Variants in SGCD observed in about 807,000 individuals in gnomAD.
SGCD encodes sarcoglycan delta, also known as delta-sarcoglycan.
In SGCD, 18 loss-of-function variants were observed where a neutral mutation model predicts 36.6. The ratio of observed to expected loss-of-function variants is 0.49; its 90% CI spans 0.34 to 0.73. SGCD has a LOEUF of 0.73. Ranked by LOEUF, SGCD falls within the 30% of genes least tolerant of loss-of-function variation. The pLI is 0.01. For missense variants in SGCD, 387 were observed against 346.7 expected (o/e 1.12, Z -0.92); for synonymous variants, 133 against 130.6 (o/e 1.02, Z -0.12).
chr5:156,478,197 C>G (rs1329830405), intron 3 of SGCD, among the ~76,000 whole-genome samples: 1 of 152,160 alleles, frequency 6.6e-6, no homozygotes, highest in Non-Finnish European at 1.5e-5. Flanking sequence ...CATTACTTAT[C>G]TTTCTGTAAT....
Position 156,167,903 on chromosome 5 carries a change from G to A in SGCD, c.-44+43884G>A, listed in dbSNP as rs189021234. Among the ~76,000 whole-genome samples, 8 of 152,314 alleles carry A rather than the reference G, an allele frequency of 5.3e-5. No individual in the cohort carries two copies. The East Asian group carries it at 5.8e-4, about 11-fold the overall frequency. ...TAATGCAAAAAGGACTAACACAGAA[G>A]CATAGATAGTTCACCTTGGTTGATT... On this transcript the variant is annotated intron_variant, in intron 3 of 9. Coordinates refer to the SGCD transcript ENST00000517913.
chr5:156,028,167 T>C (rs145844408), intron 1 of SGCD, among the ~76,000 whole-genome samples: 104 of 152,324 alleles, frequency 6.8e-4, no homozygotes, highest in African/African-American at 2.5e-3. Flanking sequence ...ATCTTCTGAA[T>C]CTTGTGCTGT....
intron 3 of SGCD, among the ~76,000 whole-genome samples, chr5:156,126,316 T>C (rs1228258237): frequency 3.3e-5 from 5 of 152,208 alleles, no homozygotes; most frequent in Admixed American, 1.3e-4. Context: ...TATCGAACTT[T>C]AATTCAGAAT....
chr5:156,151,246 A>G (rs1332866340), intron 3 of SGCD, among the ~76,000 whole-genome samples: 2 of 151,690 alleles, frequency 1.3e-5, no homozygotes, highest in Non-Finnish European at 2.9e-5. Flanking sequence ...ACTTTCCTGT[A>G]TCTATGGCAG....
the SGCD span, among the ~76,000 whole-genome samples, chr5:155,727,952 A>T: frequency 1.6e-4 from 25 of 152,162 alleles, no homozygotes; most frequent in Non-Finnish European, 3.7e-4. Flanking sequence ...TGGCGGAGAC[A>T]CGTAGTCGCC....
the SGCD span, among the ~76,000 whole-genome samples, chr5:155,773,900 C>A: frequency 1.3e-5 from 2 of 152,030 alleles, no homozygotes; most frequent in Non-Finnish European, 2.9e-5. Flanking sequence ...TGGGTGGAGA[C>A]CTGAGGGTGG....
chr5:156,118,745 G>A (rs1464661929), intron 2 of SGCD, among the ~76,000 whole-genome samples: 2 of 152,130 alleles, frequency 1.3e-5, no homozygotes, highest in Non-Finnish European at 2.9e-5. Context: ...GGAAAATAAT[G>A]CTAATGCACT....
chr5:156,387,485 G>A lies in SGCD; in HGVS notation c.192+42808G>A, dbSNP rs1771334090. Among the ~76,000 whole-genome samples the A allele has an allele frequency of 2.6e-5, 4 of 152,238 alleles. No homozygotes were observed. The South Asian group carries it at 8.3e-4, about 32-fold the overall frequency. ...CCTTGCTAATTCAAGTTATGCATGGGAGGTTATATAATACCAGAGAGCCTC... is the reference window on the plus strand; with the variant it reads ...CCTTGCTAATTCAAGTTATGCATGGAAGGTTATATAATACCAGAGAGCCTC... On this transcript the variant is annotated intron_variant, in intron 3 of 8. Transcript: ENST00000337851.
At chr5:155,835,105 T>C in the SGCD span, among the ~76,000 whole-genome samples, 1 of 145,116 alleles carries the variant, frequency 6.9e-6, no homozygotes, top group African/African-American at 2.6e-5. Flanking sequence ...CCTCCCAGGT[T>C]CAAGCAATTC....
chr5:156,293,094 A>T (rs923351706), intron 3 of SGCD, among the ~76,000 whole-genome samples: 3 of 150,892 alleles, frequency 2.0e-5, no homozygotes, highest in African/African-American at 7.3e-5. Context: ...GGGTCTTTTT[A>T]TGTTGCATAG....
At chr5:156,657,536 G>C (rs189397663) in intron 7 of SGCD, among the ~76,000 whole-genome samples, 264 of 152,140 alleles carry the variant, frequency 1.7e-3, no homozygotes, top group African/African-American at 5.9e-3. Context: ...GCTGAGGCAG[G>C]AGGATCACCT....
At chr5:156,242,027 A>C (rs1391597726) in intron 3 of SGCD, among the ~76,000 whole-genome samples, 1 of 152,120 alleles carries the variant, frequency 6.6e-6, no homozygotes, top group Non-Finnish European at 1.5e-5. Context: ...GTCACAAATA[A>C]AGTAGGGGGT....
intron 3 of SGCD, among the ~76,000 whole-genome samples, chr5:156,405,452 A>G (rs1351612137): frequency 1.3e-5 from 2 of 152,210 alleles, no homozygotes; most frequent in African/African-American, 4.8e-5. Context: ...CTTAAACAAA[A>G]TCTTCCTTAT....
At position 156,765,095 on chromosome 5, in the gene SGCD, TCTTTGCGAGA is replaced by T. The variant is rs1757563647; in HGVS notation, c.*5706_*5715del. 6.6e-6 allele frequency: 1 copy of T among 152,108 alleles called. No homozygotes were observed. The highest frequency in any genetic ancestry group is 2.1e-4 in the South Asian group (1 of 4,832). 9.4% of individuals were successfully genotyped at this position (152,108 alleles called of 1,614,324 possible). ...TAATAACACAAATATGAGGCCGACT[TCTTTGCGAGA>T]AGAGAAAAGAAAACATCTGCTTGAT... On this transcript the variant is annotated 3_prime_UTR_variant, in exon 9 of 9. Coordinates refer to ENST00000337851, the MANE Select transcript of SGCD (RefSeq NM_000337.6).
chr5:156,287,674 G>GT (rs1478607702), intron 3 of SGCD, among the ~76,000 whole-genome samples: 23 of 147,350 alleles, frequency 1.6e-4, no homozygotes, highest in Non-Finnish European at 2.6e-4. Flanking sequence ...TGTGTGTATG[G>GT]GTACATGCAC....
the SGCD span, among the ~76,000 whole-genome samples, chr5:155,800,893 C>T: frequency 2.6e-5 from 4 of 151,960 alleles, no homozygotes; most frequent in East Asian, 1.9e-4. Flanking sequence ...TTCCTATGCT[C>T]GACCTCCCAG....
the SGCD span, among the ~76,000 whole-genome samples, chr5:155,741,427 T>C: frequency 6.6e-6 from 1 of 152,142 alleles, no homozygotes; most frequent in Admixed American, 6.5e-5. Context: ...CAAAGAAATA[T>C]GTTTTGGGGT....
At chr5:156,004,505 C>T (rs751793871) in intron 1 of SGCD, among the ~76,000 whole-genome samples, 9 of 152,056 alleles carry the variant, frequency 5.9e-5, no homozygotes, top group African/African-American at 9.7e-5. Flanking sequence ...TTTTCCCTGC[C>T]GCAGACTGGA....
chr5:156,627,544 A>C (rs1020975760), intron 6 of SGCD, among the ~76,000 whole-genome samples: 2 of 152,144 alleles, frequency 1.3e-5, no homozygotes, highest in Non-Finnish European at 2.9e-5. Context: ...TAACATTTGT[A>C]TTTTGCTGTA....
Sources: gnomAD v4.1 joint callset for allele counts (sites outside exome capture counted in the v4.1 genomes callset) on GRCh38, gnomAD v4.1.1 for gene constraint, MANE v1.5 for transcripts, NCBI Gene and HGNC (gene_info 2026-07-23, HGNC 2026-07-21) for gene names.